Variants in MCC observed in about 807,000 individuals in gnomAD.
The protein encoded by MCC is colorectal mutant cancer protein.
Under a neutral mutation model 116.2 loss-of-function variants are expected in MCC, and 90 were observed. That is an observed-to-expected ratio of 0.77 (90% CI 0.65 to 0.92). MCC has a LOEUF of 0.92. Ranked by LOEUF, MCC falls within the 40% of genes least tolerant of loss-of-function variation. The pLI, the probability that MCC is intolerant of heterozygous loss-of-function variation, is 0.00. For synonymous variants in MCC, 578 were observed against 510.5 expected (o/e 1.13, Z -1.78); for missense variants, 1,516 against 1,312.2 (o/e 1.16, Z -2.40).
At chr5:113,301,268 C>G (rs1298038340) in intron 3 of MCC, among the ~76,000 whole-genome samples, 2 of 152,116 alleles carry the variant, frequency 1.3e-5, no homozygotes, top group African/African-American at 4.8e-5. Flanking sequence ...GAGTTCAAGA[C>G]CAGCCTGACC....
At chr5:113,106,546 T>A (rs1010155396) in intron 6 of MCC, among the ~76,000 whole-genome samples, 1 of 152,046 alleles carries the variant, frequency 6.6e-6, no homozygotes, top group African/African-American at 2.4e-5. Flanking sequence ...AAAAAAAAAA[T>A]ACAACCTTTT....
chr5:113,282,892 T>C (rs35565269), intron 3 of MCC, among the ~76,000 whole-genome samples: 9 of 152,200 alleles, frequency 5.9e-5, no homozygotes, highest in Non-Finnish European at 1.2e-4. Context: ...CAAGCCCCTC[T>C]TGCTAAAGCC....
chr5:113,265,405 A>G (rs963659339), intron 3 of MCC, among the ~76,000 whole-genome samples: 1 of 152,170 alleles, frequency 6.6e-6, no homozygotes, highest in African/African-American at 2.4e-5. Context: ...CAATGTCTGC[A>G]CTAAGGGAAG....
At chr5:113,280,630 T>C (rs1262529107) in intron 3 of MCC, among the ~76,000 whole-genome samples, 1 of 151,988 alleles carries the variant, frequency 6.6e-6, no homozygotes, top group African/African-American at 2.4e-5. Context: ...AGAAGATGAG[T>C]TGGTGTCACC....
chr5:113,439,734 G>T (rs1770976055), intron 1 of MCC, among the ~76,000 whole-genome samples: 1 of 152,110 alleles, frequency 6.6e-6, no homozygotes, highest in South Asian at 2.1e-4. Context: ...CTAAAATAGG[G>T]ACTATAATAG....
At chr5:113,372,587 G>T (rs1240345649) in intron 2 of MCC, among the ~76,000 whole-genome samples, 2 of 152,102 alleles carry the variant, frequency 1.3e-5, no homozygotes, top group African/African-American at 4.8e-5. Flanking sequence ...AAGAGATAAT[G>T]TCCAATGTAC....
In MCC at chr5:113,196,894, G is replaced by A. The variant is rs547295731; in HGVS notation, c.628-45472C>T. On this transcript the variant is annotated intron_variant, in intron 3 of 18. Coordinates refer to ENST00000408903, the MANE Select transcript of MCC (RefSeq NM_001085377.2). ...AGAAGCACGTCTGCAGGTTCTGGCTGAGTTTGGGCCCTGTGATCTGGAACC... is the reference window on the plus strand; with the variant it reads ...AGAAGCACGTCTGCAGGTTCTGGCTAAGTTTGGGCCCTGTGATCTGGAACC... Among the ~76,000 whole-genome samples, 98 of 152,294 alleles carry A rather than the reference G, an allele frequency of 6.4e-4. 1 individual carries two copies. The highest frequency in any genetic ancestry group is 2.3e-3 in the African/African-American group (95 of 41,570).
At chr5:113,305,579 T>C (rs1766967595) in intron 3 of MCC, among the ~76,000 whole-genome samples, 1 of 152,154 alleles carries the variant, frequency 6.6e-6, no homozygotes. Context: ...AGTCCTTTCG[T>C]CCCCACTTGC....
rs531392819 is a variant in MCC, at chr5:113,314,080, A to C, written c.627+26439T>G. On this transcript the variant is annotated intron_variant, in intron 3 of 18. Coordinates refer to ENST00000408903, the MANE Select transcript of MCC (RefSeq NM_001085377.2). ...GCAATCCTCCTGCCTCAGCCTCCCA[A>C]AGTGCTGGGATTACAGGTGTGAGCC... 3.3e-5 allele frequency among the ~76,000 whole-genome samples: 5 copies of C among 152,046 alleles called. No individual in the cohort carries two copies. The East Asian group carries it at 7.8e-4, about 24-fold the overall frequency.
chr5:113,237,323 C>T (rs988056382), intron 3 of MCC, among the ~76,000 whole-genome samples: 1 of 152,138 alleles, frequency 6.6e-6, no homozygotes, highest in Admixed American at 6.6e-5. Flanking sequence ...GCTAATACCA[C>T]AAAAATTTCT....
chr5:113,450,780 A>T (rs1771369884), intron 1 of MCC, among the ~76,000 whole-genome samples: 1 of 152,198 alleles, frequency 6.6e-6, no homozygotes, highest in African/African-American at 2.4e-5. Flanking sequence ...CAGTTCTGTT[A>T]ATGCACCATC....
intron 1 of MCC, among the ~76,000 whole-genome samples, chr5:113,479,641 GTGTT>G (rs1479721038): frequency 6.6e-6 from 1 of 152,014 alleles, no homozygotes; most frequent in Non-Finnish European, 1.5e-5. Flanking sequence ...GTTCTGTAGG[GTGTT>G]TTTTTAATCT....
chr5:113,199,770 G>C (rs1386549064), intron 3 of MCC, among the ~76,000 whole-genome samples: 1 of 152,198 alleles, frequency 6.6e-6, no homozygotes, highest in Non-Finnish European at 1.5e-5. Context: ...AGAGAACAAT[G>C]CAACAGACCA....
At chr5:113,413,175 G>A (rs1258157016) in intron 1 of MCC, among the ~76,000 whole-genome samples, 1 of 152,130 alleles carries the variant, frequency 6.6e-6, no homozygotes, top group East Asian at 1.9e-4. Context: ...CGGTTTGCCA[G>A]TATTTTATTG....
intron 5 of MCC, among the ~76,000 whole-genome samples, chr5:113,136,476 C>T (rs936520004): frequency 5.3e-5 from 8 of 152,022 alleles, no homozygotes; most frequent in African/African-American, 1.9e-4. Context: ...AATCGTAGCT[C>T]TCCTGGTTTA....
intron 14 of MCC, among the ~76,000 whole-genome samples, chr5:113,058,115 C>A (rs565791496): frequency 2.0e-5 from 3 of 152,292 alleles, no homozygotes; most frequent in African/African-American, 7.2e-5. Context: ...TGTGCGTCTA[C>A]CACCCACAAG....
At chr5:113,368,001 T>C (rs772911944) in intron 2 of MCC, among the ~76,000 whole-genome samples, 3 of 152,184 alleles carry the variant, frequency 2.0e-5, no homozygotes, top group Admixed American at 1.3e-4. Context: ...TGGGAATACA[T>C]GAAAGAATGC....
chr5:113,487,299 G>A (rs560090480), intron 1 of MCC, among the ~76,000 whole-genome samples: 1 of 151,864 alleles, frequency 6.6e-6, no homozygotes, highest in African/African-American at 2.4e-5. Flanking sequence ...AACATGTAAT[G>A]CACAACTTAG....
chr5:113,471,415 T>C (rs1251059926), intron 1 of MCC, among the ~76,000 whole-genome samples: 1 of 152,200 alleles, frequency 6.6e-6, no homozygotes, highest in East Asian at 1.9e-4. Context: ...TGCAGGTCTG[T>C]TGGAGTTTTC....
Sources: gnomAD v4.1 joint callset for allele counts (sites outside exome capture counted in the v4.1 genomes callset) on GRCh38, gnomAD v4.1.1 for gene constraint, MANE v1.5 for transcripts, NCBI Gene and HGNC (gene_info 2026-07-23, HGNC 2026-07-21) for gene names.